TMEM131: variants seen among roughly 807,000 people sequenced by gnomAD.
The protein encoded by TMEM131 is 2610524E03Rik.
TMEM131 carries 66 observed loss-of-function variants against 211.6 expected under a neutral mutation model. The observed-to-expected ratio is 0.31, with a 90% CI of 0.26 to 0.38. TMEM131 has a LOEUF of 0.38. Ranked by LOEUF, TMEM131 falls within the 10% of genes least tolerant of loss-of-function variation. The pLI is 1.00. For missense variants in TMEM131, 2,036 were observed against 2,299.3 expected (o/e 0.89, Z 2.34); for synonymous variants, 844 against 841.3 (o/e 1.00, Z -0.06).
At chr2:97,940,741 G>A (rs551201020) in intron 1 of TMEM131, among the ~76,000 whole-genome samples, 27 of 151,596 alleles carry the variant, frequency 1.8e-4, no homozygotes, top group Non-Finnish European at 3.4e-4. Context: ...CCTAGGAGGC[G>A]GAGCTTGCAG....
At position 97,814,936 on chromosome 2, in the gene TMEM131, A is replaced by G. The variant is rs555727721; in HGVS notation, c.1292+263T>C. On this transcript the variant is annotated intron_variant, in intron 13 of 40. Transcript: ENST00000186436. ...GGAAATGGTTCAAATGATTTAAATA[A>G]TATTTAAAAAATCAGATTTTTGAAT... 2.0e-4 allele frequency among the ~76,000 whole-genome samples: 30 copies of G among 152,320 alleles called. 1 individual carries two copies. The highest frequency in any genetic ancestry group is 6.7e-4 in the African/African-American group (28 of 41,586).
rs74673418 is a variant in TMEM131, at chr2:97,759,768, A to C, written c.5109-19T>G. On this transcript the variant is annotated intron_variant, in intron 38 of 40. Coordinates refer to ENST00000186436, the MANE Select transcript of TMEM131 (RefSeq NM_015348.2). Reference sequence around the variant, plus strand: ...ACCCGAGCTAAATGTTACAAGAGGAAAACGCAACACACAAAAATGTATGGT... The same window carrying C: ...ACCCGAGCTAAATGTTACAAGAGGACAACGCAACACACAAAAATGTATGGT... 5.0e-6 allele frequency: 8 copies of C among 1,590,438 alleles called. No homozygotes were observed. The highest frequency in any genetic ancestry group is 6.9e-6 in the Non-Finnish European group (8 of 1,163,472).
chr2:97,762,557 AG>A (rs900153516), intron 35 of TMEM131: 1 of 238,898 alleles, frequency 4.2e-6, no homozygotes, highest in Non-Finnish European at 8.2e-6. Context: ...GCCTACACGC[AG>A]GTTTACAGCT....
At position 97,759,702 on chromosome 2, in the gene TMEM131, G is replaced by A; in HGVS notation, c.5156C>T (p.Thr1719Ile). 11 of 1,613,776 alleles carry A rather than the reference G, an allele frequency of 6.8e-6. No homozygotes were observed. Among genetic ancestry groups the A allele is most frequent in the Admixed American group, 3.3e-5 (2 of 59,996 alleles). ...PVSNPSSPDFTPLNSFSAFGN... is the reference protein window; with the variant it reads ...PVSNPSSPDFIPLNSFSAFGN... Reference sequence around the variant, plus strand: ...AAAGGCGGAGAACGAATTGAGGGGAGTGAAGTCAGGGCTGCTTGGGTTGCT... The same window carrying A: ...AAAGGCGGAGAACGAATTGAGGGGAATGAAGTCAGGGCTGCTTGGGTTGCT... The change falls in exon 39 of 41, where the codon ACT becomes ATT. Residue 1719 changes from threonine to isoleucine, a missense_variant. By Grantham distance (89) the Thr-to-Ile change is moderately conservative. Coordinates refer to ENST00000186436, the MANE Select transcript of TMEM131 (RefSeq NM_015348.2).
In TMEM131 at chr2:97,792,664, C is replaced by A; in HGVS notation, c.3866G>T (p.Gly1289Val). 4 of 1,613,898 alleles carry A rather than the reference C, an allele frequency of 2.5e-6. No individual in the cohort carries two copies. Among genetic ancestry groups the A allele is most frequent in the Non-Finnish European group, 3.4e-6 (4 of 1,179,870 alleles). Reference protein sequence around the residue: ...KSKGAKQSQHGSQHHAHSPLE... With the variant: ...KSKGAKQSQHVSQHHAHSPLE... Reference sequence around the variant, plus strand: ...CGGGCTGTGGGCATGGTGCTGGCTGCCGTGCTGGCTCTGCTTTGCCCCTTT... The same window carrying A: ...CGGGCTGTGGGCATGGTGCTGGCTGACGTGCTGGCTCTGCTTTGCCCCTTT... Residue 1289 changes from glycine (G) to valine (V), a missense_variant, in exon 31 of 41, where the codon GGC becomes GTC. Coordinates refer to ENST00000186436, the MANE Select transcript of TMEM131 (RefSeq NM_015348.2).
intron 1 of TMEM131, among the ~76,000 whole-genome samples, chr2:97,971,545 T>TC (rs1470178643): frequency 1.3e-5 from 2 of 152,222 alleles, no homozygotes. Context: ...CTTTGTGAAA[T>TC]AATCCATAAA....
chr2:97,830,561 T>C (rs1682629308), intron 11 of TMEM131, among the ~76,000 whole-genome samples: 1 of 152,228 alleles, frequency 6.6e-6, no homozygotes, highest in African/African-American at 2.4e-5. Flanking sequence ...ACATTGTATT[T>C]CTAATAATTT....
chr2:97,959,587 G>A (rs1453407623), intron 1 of TMEM131, among the ~76,000 whole-genome samples: 1 of 151,322 alleles, frequency 6.6e-6, no homozygotes, highest in Non-Finnish European at 1.5e-5. Context: ...ATCTATATAT[G>A]GTCAAACCAT....
chr2:97,867,377 A>ATATATAT (rs1183504973), intron 4 of TMEM131, among the ~76,000 whole-genome samples: 1 of 152,148 alleles, frequency 6.6e-6, no homozygotes, highest in Non-Finnish European at 1.5e-5. Context: ...TATTAGTTAT[A>ATATATAT]TATATATATG....
At chr2:97,788,144 GT>G (rs1559358928) in intron 31 of TMEM131, among the ~76,000 whole-genome samples, 2 of 152,116 alleles carry the variant, frequency 1.3e-5, no homozygotes, top group Non-Finnish European at 2.9e-5. Flanking sequence ...CTCCAGCACT[GT>G]CCTACTCCAC....
At chr2:97,818,842 C>T in intron 11 of TMEM131, 121 bp from the exon 12 acceptor site, 1 of 619,574 alleles carries the variant, frequency 1.6e-6, no homozygotes, top group East Asian at 2.8e-5. Flanking sequence ...AAAAGTTTAA[C>T]TTATGTTGTC....
chr2:97,823,819 C>G (rs145169575), intron 11 of TMEM131, among the ~76,000 whole-genome samples: 168 of 152,284 alleles, frequency 1.1e-3, no homozygotes, highest in African/African-American at 4.0e-3. Context: ...TCCTGTCACC[C>G]AACTCCCTTG....
chr2:97,794,905 T>C (rs1375979716), intron 29 of TMEM131, 25 bp downstream of exon 29: 2 of 1,541,528 alleles, frequency 1.3e-6, no homozygotes, highest in Non-Finnish European at 1.8e-6. Context: ...TGAATGAATA[T>C]GAACCTTGAA....
intron 1 of TMEM131, among the ~76,000 whole-genome samples, chr2:97,934,942 G>A (rs866044495): frequency 2.6e-5 from 4 of 151,972 alleles, no homozygotes; most frequent in Non-Finnish European, 5.9e-5. Context: ...AAGATCTTCA[G>A]GATCTAAGGT....
chr2:97,928,183 C>T (rs1677068036), intron 1 of TMEM131, among the ~76,000 whole-genome samples: 1 of 152,084 alleles, frequency 6.6e-6, no homozygotes. Context: ...CAAAGGTGAA[C>T]AGACAAACTG....
chr2:97,845,407 T>C (rs993493225), intron 5 of TMEM131, among the ~76,000 whole-genome samples: 1 of 152,098 alleles, frequency 6.6e-6, no homozygotes, highest in Non-Finnish European at 1.5e-5. Context: ...TATTCACACC[T>C]GAGCCAGAAA....
At position 97,935,792 on chromosome 2, in the gene TMEM131, G is replaced by A. The variant is rs1573580499; in HGVS notation, c.188-8305C>T. The stretch of plus-strand genomic sequence containing the variant: ...AACTCTGGCAATTAACCAAAAGCTT[G>A]CAGCAATCTCCAAAAGCTTGCAGCA... On this transcript the variant is annotated intron_variant, in intron 1 of 40. Coordinates refer to ENST00000186436, the MANE Select transcript of TMEM131 (RefSeq NM_015348.2). Among the ~76,000 whole-genome samples, 3 of 152,278 alleles carry A rather than the reference G, an allele frequency of 2.0e-5. No individual in the cohort carries two copies. The South Asian group carries it at 6.2e-4, about 32-fold the overall frequency.
intron 1 of TMEM131, among the ~76,000 whole-genome samples, chr2:97,986,323 T>C (rs980163639): frequency 1.3e-5 from 2 of 151,996 alleles, no homozygotes; most frequent in African/African-American, 4.8e-5. Context: ...TTTTTTTAAA[T>C]GGGGAATAGG....
At chr2:97,966,301 G>C (rs1351511514) in intron 1 of TMEM131, among the ~76,000 whole-genome samples, 2 of 152,088 alleles carry the variant, frequency 1.3e-5, no homozygotes, top group Non-Finnish European at 2.9e-5. Context: ...GTGGTTAACA[G>C]AGTCTGGAAG....
Sources: gnomAD v4.1 joint callset for allele counts (sites outside exome capture counted in the v4.1 genomes callset) on GRCh38, gnomAD v4.1.1 for gene constraint, MANE v1.5 for transcripts, NCBI Gene and HGNC (gene_info 2026-07-23, HGNC 2026-07-21) for gene names.